The following PDE1C variants were observed in gnomAD, a reference collection of about 807,000 sequenced individuals.
PDE1C encodes phosphodiesterase 1C.
In PDE1C, 62 loss-of-function variants were observed where a neutral mutation model predicts 93.1. That is an observed-to-expected ratio of 0.67 (90% CI 0.54 to 0.82). The LOEUF is 0.82. Ranked by LOEUF, PDE1C falls within the 40% of genes least tolerant of loss-of-function variation. The pLI is 0.00. For synonymous variants in PDE1C, 325 were observed against 310.1 expected (o/e 1.05, Z -0.50); for missense variants, 742 against 884.6 (o/e 0.84, Z 2.04).
At chr7:32,389,157 C>CGTGTGT (rs575896243) in intron 1 of PDE1C, among the ~76,000 whole-genome samples, 10,569 of 135,598 alleles carry the variant, frequency 0.078, 532 homozygotes, top group South Asian at 0.2. Context: ...TGATAGCTGA[C>CGTGTGT]GTGTGTGTGT....
the PDE1C span, among the ~76,000 whole-genome samples, chr7:31,648,041 TAA>T: frequency 1.3e-5 from 2 of 152,270 alleles, no homozygotes; most frequent in Non-Finnish European, 2.9e-5. Flanking sequence ...TTGTTAATTT[TAA>T]AAAGTGTTAA....
intron 2 of PDE1C, among the ~76,000 whole-genome samples, chr7:32,037,533 C>T (rs1466270138): frequency 6.6e-6 from 1 of 152,148 alleles, no homozygotes; most frequent in Non-Finnish European, 1.5e-5. Flanking sequence ...TACCACCTTT[C>T]CACATCTGGC....
chr7:32,087,051 A>T (rs1797133279), intron 3 of PDE1C, among the ~76,000 whole-genome samples: 1 of 152,132 alleles, frequency 6.6e-6, no homozygotes, highest in Admixed American at 6.5e-5. Flanking sequence ...AGAAACTACC[A>T]TCAGAGTGAA....
the PDE1C span, among the ~76,000 whole-genome samples, chr7:31,639,988 C>T: frequency 1.3e-5 from 2 of 152,004 alleles, no homozygotes; most frequent in Admixed American, 6.6e-5. Flanking sequence ...TAATATATGC[C>T]ACACATTTGG....
chr7:31,711,994 G>A, the PDE1C span, among the ~76,000 whole-genome samples: 1 of 151,976 alleles, frequency 6.6e-6, no homozygotes, highest in Non-Finnish European at 1.5e-5. Context: ...GTGAAGATCT[G>A]CTCGTCCTCT....
intron 3 of PDE1C, among the ~76,000 whole-genome samples, chr7:32,124,280 A>G (rs746035209): frequency 6.6e-6 from 1 of 152,222 alleles, no homozygotes; most frequent in Non-Finnish European, 1.5e-5. Context: ...CATATTGACC[A>G]AAGTAGTTTA....
chr7:31,790,302 T>C, intron 16 of PDE1C: 1 of 1,562,526 alleles, frequency 6.4e-7, no homozygotes, highest in Non-Finnish European at 8.8e-7. Context: ...AATGCTGCCT[T>C]TCCCCCCGCC....
At chr7:31,828,199 G>C in intron 12 of PDE1C, 93 bp downstream of exon 12, 1 of 980,248 alleles carries the variant, frequency 1.0e-6, no homozygotes, top group Non-Finnish European at 1.6e-6. Context: ...AATGGAGCCA[G>C]TTTCCCAGCC....
chr7:31,779,874 C>T (rs1386573181), intron 16 of PDE1C, among the ~76,000 whole-genome samples: 4 of 152,232 alleles, frequency 2.6e-5, no homozygotes, highest in African/African-American at 4.8e-5. Flanking sequence ...TAAAGCCCTT[C>T]GCACTTCACC....
chr7:32,371,057 A>G (rs1191865942), intron 1 of PDE1C, among the ~76,000 whole-genome samples: 2 of 151,090 alleles, frequency 1.3e-5, no homozygotes, highest in Admixed American at 1.3e-4. Context: ...GCCTATAGAC[A>G]CTGCCTGCCT....
intron 4 of PDE1C, among the ~76,000 whole-genome samples, chr7:31,878,603 T>C (rs1796881234): frequency 2.0e-5 from 3 of 152,200 alleles, no homozygotes. Flanking sequence ...CTGAAGTGTC[T>C]TGGGGACTTC....
chr7:32,425,643 A>G (rs1184147441), intron 1 of PDE1C, among the ~76,000 whole-genome samples: 1 of 152,162 alleles, frequency 6.6e-6, no homozygotes, highest in Admixed American at 6.6e-5. Flanking sequence ...CAATATCCAA[A>G]TCTCCTGCCC....
the PDE1C span, among the ~76,000 whole-genome samples, chr7:31,618,222 C>CTT: frequency 6.6e-6 from 1 of 152,204 alleles, no homozygotes; most frequent in African/African-American, 2.4e-5. Context: ...GTATGTCTGT[C>CTT]TTCCCCAGCC....
chr7:32,311,165 A>C lies in PDE1C; in HGVS notation c.311-101626T>G, dbSNP rs1201150822. Among the ~76,000 whole-genome samples the C allele has an allele frequency of 2.6e-5, 4 of 152,218 alleles. No homozygotes were observed. In the East Asian group the frequency reaches 7.7e-4, roughly 29 times the overall value. ...CTAGAAAATCTAGAAGAAATGGATA[A>C]ATTCCTCAACACATACACCCTCCCA... On this transcript the variant is annotated intron_variant, in intron 1 of 1. Transcript: ENST00000672256.
chr7:31,662,072 C>A, the PDE1C span, among the ~76,000 whole-genome samples: 2 of 152,152 alleles, frequency 1.3e-5, no homozygotes, highest in Non-Finnish European at 2.9e-5. Flanking sequence ...GTAATACTGT[C>A]ATCACTTTTA....
At chr7:31,873,695 A>C (rs1192335828) in intron 5 of PDE1C, among the ~76,000 whole-genome samples, 1 of 152,242 alleles carries the variant, frequency 6.6e-6, no homozygotes, top group Non-Finnish European at 1.5e-5. Context: ...TATCCTGAAA[A>C]CAACTCTAAG....
At chr7:32,377,007 C>T (rs1784444197) in intron 1 of PDE1C, among the ~76,000 whole-genome samples, 1 of 152,052 alleles carries the variant, frequency 6.6e-6, no homozygotes, top group African/African-American at 2.4e-5. Flanking sequence ...TTCTAAAGAT[C>T]CAGTAACCCA....
the PDE1C span, among the ~76,000 whole-genome samples, chr7:31,624,651 C>A: frequency 6.7e-6 from 1 of 150,248 alleles, no homozygotes; most frequent in African/African-American, 2.5e-5. Context: ...AAACGTTAGA[C>A]CTAAAACCAT....
intron 2 of PDE1C, among the ~76,000 whole-genome samples, chr7:32,038,597 T>G (rs1187702833): frequency 1.3e-5 from 2 of 151,958 alleles, no homozygotes; most frequent in Non-Finnish European, 2.9e-5. Flanking sequence ...TGGTGGAAAA[T>G]GGATTTAAAT....
Sources: gnomAD v4.1 joint callset for allele counts (sites outside exome capture counted in the v4.1 genomes callset) on GRCh38, gnomAD v4.1.1 for gene constraint, MANE v1.5 for transcripts, NCBI Gene and HGNC (gene_info 2026-07-23, HGNC 2026-07-21) for gene names.